The following CDK14 variants were observed in gnomAD, a reference collection of about 807,000 sequenced individuals.
CDK14 encodes the protein cyclin-dependent kinase 14.
Under a neutral mutation model 60.7 loss-of-function variants are expected in CDK14, and 34 were observed. That is an observed-to-expected ratio of 0.56 (90% confidence interval 0.43 to 0.75). The LOEUF (loss-of-function observed/expected upper bound fraction) is 0.75, where lower values mean the gene tolerates loss of function less well. CDK14 is among the 30% of genes least tolerant of loss of function. The pLI, the probability that CDK14 is intolerant of heterozygous loss-of-function variation, is 0.00. For missense variants in CDK14, 482 were observed against 564.1 expected (o/e 0.85, Z 1.47); for synonymous variants, 197 against 203.7 (o/e 0.97, Z 0.28).
At chr7:90,652,988 G>A (rs972773983) in intron 2 of CDK14, among the ~76,000 whole-genome samples, 1 of 152,156 alleles carries the variant, frequency 6.6e-6, no homozygotes, top group African/African-American at 2.4e-5. Context: ...ATCCTGCTCT[G>A]TACCCTGGGT....
At chr7:90,702,616 C>G (rs532300411) in intron 2 of CDK14, among the ~76,000 whole-genome samples, 1 of 145,020 alleles carries the variant, frequency 6.9e-6, no homozygotes, top group Non-Finnish European at 1.5e-5. Flanking sequence ...TTAATGTCTT[C>G]AGTTGGTTAT....
chr7:91,197,534 A>G lies in CDK14; in HGVS notation c.*29-9631A>G, dbSNP rs150697527. On this transcript the variant is annotated intron_variant, in intron 14 of 14. Coordinates refer to ENST00000380050, the MANE Select transcript of CDK14 (RefSeq NM_001287135.2). ...TATTTAAATCTGCAATGTACCTCCT[A>G]TTGCAGATATTTCAGAAGACACTGA... Among the ~76,000 whole-genome samples the G allele has an allele frequency of 4.6e-5, 7 of 152,232 alleles. No individual in the cohort carries two copies. In the East Asian group the frequency reaches 1.2e-3, roughly 25 times the overall value.
chr7:90,892,717 A>T (rs571048457), intron 6 of CDK14, among the ~76,000 whole-genome samples: 1 of 152,286 alleles, frequency 6.6e-6, no homozygotes, highest in South Asian at 2.1e-4. Context: ...ACCTATGTAA[A>T]TAACCAGATA....
At chr7:90,643,980 T>C (rs1800405199) in intron 2 of CDK14, among the ~76,000 whole-genome samples, 1 of 152,196 alleles carries the variant, frequency 6.6e-6, no homozygotes, top group Non-Finnish European at 1.5e-5. Context: ...TGTGACTGTA[T>C]TTATGGATAA....
chr7:90,683,230 A>C (rs548053007), intron 2 of CDK14, among the ~76,000 whole-genome samples: 8 of 151,864 alleles, frequency 5.3e-5, no homozygotes, highest in South Asian at 2.1e-4. Context: ...TTCTTTCTTT[A>C]TTCATTTATT....
intron 10 of CDK14, among the ~76,000 whole-genome samples, chr7:91,035,721 T>G (rs1158191775): frequency 6.6e-6 from 1 of 152,146 alleles, no homozygotes; most frequent in Non-Finnish European, 1.5e-5. Context: ...ATGAATTGTT[T>G]ATTGCTGCAT....
intron 14 of CDK14, among the ~76,000 whole-genome samples, chr7:91,158,742 C>G (rs868832986): frequency 2.0e-5 from 3 of 152,226 alleles, no homozygotes; most frequent in Middle Eastern, 3.4e-3. Context: ...CCCTCTACCC[C>G]GTCAGAGGTA....
intron 4 of CDK14, among the ~76,000 whole-genome samples, chr7:90,762,462 C>T (rs1293136457): frequency 6.6e-6 from 1 of 151,712 alleles, no homozygotes; most frequent in Non-Finnish European, 1.5e-5. Context: ...TGAGAGAGCA[C>T]AAAAACAATG....
intron 2 of CDK14, among the ~76,000 whole-genome samples, chr7:90,698,410 C>T (rs909320626): frequency 6.6e-6 from 1 of 152,122 alleles, no homozygotes; most frequent in African/African-American, 2.4e-5. Context: ...AAAGGAAGAG[C>T]AGAATGGTGG....
chr7:90,960,823 C>T (rs1794582152), intron 9 of CDK14, among the ~76,000 whole-genome samples: 1 of 151,918 alleles, frequency 6.6e-6, no homozygotes, highest in Admixed American at 6.6e-5. Flanking sequence ...ACAAATTAGC[C>T]CTACCATAGC....
intron 10 of CDK14, among the ~76,000 whole-genome samples, chr7:91,009,137 T>TG: frequency 6.6e-6 from 1 of 152,212 alleles, no homozygotes; most frequent in Non-Finnish European, 1.5e-5. Context: ...ATTTTTGCCC[T>TG]GGCTTTTTTT....
chr7:90,636,657 T>A (rs1390526124), intron 2 of CDK14, among the ~76,000 whole-genome samples: 4 of 152,190 alleles, frequency 2.6e-5, no homozygotes, highest in African/African-American at 9.6e-5. Context: ...ATAAAATGAG[T>A]TAGGGAGGAT....
At chr7:90,654,367 C>T (rs1395369930) in intron 2 of CDK14, among the ~76,000 whole-genome samples, 5 of 152,194 alleles carry the variant, frequency 3.3e-5, no homozygotes, top group South Asian at 2.1e-4. Context: ...AAAATGCAGA[C>T]AACAATTCAC....
intron 11 of CDK14, among the ~76,000 whole-genome samples, chr7:91,051,277 A>T (rs576414014): frequency 7.9e-4 from 121 of 152,274 alleles, no homozygotes; most frequent in African/African-American, 2.8e-3. Context: ...AACATTGGGG[A>T]TCACATTTCA....
At chr7:90,815,107 T>G (rs1789296476) in intron 5 of CDK14, among the ~76,000 whole-genome samples, 1 of 152,240 alleles carries the variant, frequency 6.6e-6, no homozygotes, top group South Asian at 2.1e-4. Context: ...TACATTGTAC[T>G]TTATGATACA....
At chr7:90,799,076 G>C (rs1562775047) in intron 5 of CDK14, among the ~76,000 whole-genome samples, 1 of 152,180 alleles carries the variant, frequency 6.6e-6, no homozygotes, top group Non-Finnish European at 1.5e-5. Flanking sequence ...GTTGTCTTAA[G>C]ATTTTCTTAG....
chr7:90,920,199 C>A (rs1793206189), intron 8 of CDK14, among the ~76,000 whole-genome samples: 1 of 152,132 alleles, frequency 6.6e-6, no homozygotes, highest in South Asian at 2.1e-4. Context: ...TGGTTCCAGG[C>A]AGCAAAACAA....
At chr7:90,822,501 C>T (rs1351206392) in intron 5 of CDK14, among the ~76,000 whole-genome samples, 1 of 152,126 alleles carries the variant, frequency 6.6e-6, no homozygotes, top group Non-Finnish European at 1.5e-5. Context: ...GTGATTCCAG[C>T]CCACCTTTTG....
intron 11 of CDK14, 90 bp from the exon 12 acceptor site, chr7:91,079,342 C>A (rs941632722): frequency 1.2e-6 from 1 of 817,730 alleles, no homozygotes; most frequent in African/African-American, 1.7e-5. Flanking sequence ...GAGTAGCCCA[C>A]TCTTTTTTTA....
Sources: allele counts gnomAD v4.1 joint callset (sites outside exome capture counted in the v4.1 genomes callset), GRCh38; gene constraint gnomAD v4.1.1; transcripts MANE v1.5; gene names NCBI Gene and HGNC (gene_info 2026-07-23, HGNC 2026-07-21).